The following TIPIN variants were observed in gnomAD, a reference collection of about 807,000 sequenced individuals.
The protein encoded by TIPIN is TIMELESS-interacting protein.
Under a neutral mutation model 35.6 loss-of-function variants are expected in TIPIN, and 29 were observed. The observed-to-expected ratio is 0.82, with a 90% confidence interval of 0.61 to 1.11. The LOEUF (loss-of-function observed/expected upper bound fraction) is 1.11, where lower values mean the gene tolerates loss of function less well. Ranked by LOEUF, TIPIN falls within the 50% of genes most tolerant of loss-of-function variation. The pLI, the probability that TIPIN is intolerant of heterozygous loss-of-function variation, is 0.00. For missense variants in TIPIN, 296 were observed against 345.4 expected, an observed-to-expected ratio of 0.86 and a Z score of 1.13; for synonymous variants, 102 against 121.5, an observed-to-expected ratio of 0.84 and a Z score of 1.06.
intron 6 of TIPIN, among the ~76,000 whole-genome samples, chr15:66,347,651 C>T (rs1219785240): frequency 1.3e-5 from 2 of 152,128 alleles, no homozygotes; most frequent in Admixed American, 6.6e-5. Context: ...GACGCAATCT[C>T]GGCTCACTGC....
intron 7 of TIPIN, 105 bp from the exon 8 acceptor site, chr15:66,337,286 G>GA: frequency 1.3e-6 from 1 of 759,962 alleles, no homozygotes; most frequent in Non-Finnish European, 2.0e-6. Flanking sequence ...TGAAGTCTAA[G>GA]ATCACTTAAT....
chr15:66,343,924 G>A (rs1237485568), intron 6 of TIPIN, among the ~76,000 whole-genome samples: 2 of 151,414 alleles, frequency 1.3e-5, no homozygotes, highest in African/African-American at 2.4e-5. Context: ...CTTGAACCCG[G>A]GAGGCAGAGG....
upstream of TIPIN, chr15:66,356,722 C>T: frequency 3.0e-6 from 3 of 985,438 alleles, no homozygotes; most frequent in Non-Finnish European, 3.6e-6. Flanking sequence ...ACTCCTGGGG[C>T]GAGAAGGGCC....
intron 6 of TIPIN, among the ~76,000 whole-genome samples, chr15:66,345,705 C>T (rs536885408): frequency 2.7e-5 from 4 of 150,294 alleles, no homozygotes; most frequent in Admixed American, 2.0e-4. Context: ...AGTGAGACTC[C>T]GTCTCAAAAA....
chr15:66,357,747 G>C (rs1281054825), upstream of TIPIN, among the ~76,000 whole-genome samples: 1 of 152,140 alleles, frequency 6.6e-6, no homozygotes, highest in Non-Finnish European at 1.5e-5. Flanking sequence ...CACGAGGTCA[G>C]GAATTCGAGA....
Position 66,350,374 on chromosome 15 carries a change from G to A in TIPIN, c.289-937C>T, listed in dbSNP as rs547789441. ...TAATCCCAGCACTGTGGGAGGCCGA[G>A]GCGGGTGGATGACCTGAGTCAGGAG... is the stretch of plus-strand genomic sequence containing the variant. On this transcript the variant is annotated intron_variant, in intron 4 of 7. Transcript: ENST00000261881. Among the ~76,000 whole-genome samples, 4 of 152,032 alleles carry A rather than the reference G, an allele frequency of 2.6e-5. No homozygotes were observed. The East Asian group carries it at 5.9e-4, about 22-fold the overall frequency.
intron 7 of TIPIN, among the ~76,000 whole-genome samples, chr15:66,340,470 C>T (rs2093078492): frequency 6.6e-6 from 1 of 151,900 alleles, no homozygotes; most frequent in Admixed American, 6.6e-5. Flanking sequence ...AGCCACTGCA[C>T]CTGGCCTATT....
chr15:66,367,833 G>GT (rs201442586), intron 1 of TIPIN, among the ~76,000 whole-genome samples: 1,511 of 122,896 alleles, frequency 0.012, 93 homozygotes, highest in South Asian at 0.018. Context: ...ATAAATCTTT[G>GT]TTTTTGTTTT....
intron 6 of TIPIN, among the ~76,000 whole-genome samples, chr15:66,342,445 C>A (rs1431285705): frequency 6.6e-6 from 1 of 152,092 alleles, no homozygotes; most frequent in Non-Finnish European, 1.5e-5. Context: ...CTCATTGCAA[C>A]CTCCGCCTCC....
intron 1 of TIPIN, among the ~76,000 whole-genome samples, chr15:66,370,924 A>G (rs1480585104): frequency 6.6e-6 from 1 of 152,148 alleles, no homozygotes; most frequent in Non-Finnish European, 1.5e-5. Flanking sequence ...AAGTGTATCA[A>G]GCAAGGCCAG....
chr15:66,379,671 T>C (rs2093310788), intron 1 of TIPIN: 1 of 1,611,376 alleles, frequency 6.2e-7, no homozygotes, highest in East Asian at 2.2e-5. Flanking sequence ...TGTAACACCC[T>C]TGATCATGTT....
At chr15:66,356,509 AC>A in intron 1 of TIPIN, 129 bp downstream of exon 1, 1 of 604,562 alleles carries the variant, frequency 1.7e-6, no homozygotes, top group Non-Finnish European at 2.1e-6. Flanking sequence ...CAACCTCCTG[AC>A]CCCCTTCCTG....
At chr15:66,351,479 T>C (rs1293855147) in intron 4 of TIPIN, 46 bp downstream of exon 4, 1 of 1,397,730 alleles carries the variant, frequency 7.2e-7, no homozygotes, top group Non-Finnish European at 1.0e-6. Context: ...CACATTTTTA[T>C]TGCTATTTTA....
At chr15:66,383,082 G>T (rs1595826077) in intron 1 of TIPIN, 1 of 651,702 alleles carries the variant, frequency 1.5e-6, no homozygotes, top group Admixed American at 6.3e-5. Context: ...AACCCAGCAT[G>T]CATAGAATCA....
chr15:66,346,095 T>C (rs1013038593), intron 6 of TIPIN, among the ~76,000 whole-genome samples: 1 of 151,972 alleles, frequency 6.6e-6, no homozygotes, highest in Non-Finnish European at 1.5e-5. Flanking sequence ...TACAGGCATG[T>C]GCCACTACGC....
intron 1 of TIPIN, among the ~76,000 whole-genome samples, chr15:66,385,464 A>C (rs2093333806): frequency 6.6e-6 from 1 of 151,994 alleles, no homozygotes; most frequent in South Asian, 2.1e-4. Context: ...TTCTTTAGTA[A>C]TTCACAGAAT....
chr15:66,344,244 G>A (rs913888792), intron 6 of TIPIN, among the ~76,000 whole-genome samples: 6 of 151,970 alleles, frequency 3.9e-5, no homozygotes, highest in African/African-American at 1.5e-4. Context: ...GACTATAGGT[G>A]TTGACCACTC....
At position 66,352,898 on chromosome 15, in the gene TIPIN, T is replaced by C. The variant is rs1413244752; in HGVS notation, c.50A>G (p.His17Arg). 6.2e-7 allele frequency: 1 copy of C among 1,614,178 alleles called. No homozygotes were observed. Among genetic ancestry groups the C allele is most frequent in the Non-Finnish European group, 8.5e-7 (1 of 1,180,028 alleles). Residue 17 changes from histidine (H) to arginine (R), a missense_variant, in exon 2 of 8, where the codon CAT (histidine) becomes CGT (arginine). By Grantham distance (29) the His-to-Arg change is conservative (BLOSUM62 0). Coordinates refer to ENST00000261881, the MANE Select transcript of TIPIN (RefSeq NM_017858.3). Reference protein sequence around the residue: ...NGVIDLPDYEHVEDETFPPFP... With the variant: ...NGVIDLPDYERVEDETFPPFP... ...AGGAGGAAAAGTTTCATCTTCTACA[T>C]GCTCATAATCTGGTAGGTCAATCAC...
intron 1 of TIPIN, among the ~76,000 whole-genome samples, chr15:66,375,631 G>C (rs887405411): frequency 6.7e-6 from 1 of 150,306 alleles, no homozygotes; most frequent in Admixed American, 6.7e-5. Flanking sequence ...TTGAGGTCAG[G>C]AGTTTGAGAC....
Sources: gnomAD v4.1 joint callset for allele counts (sites outside exome capture counted in the v4.1 genomes callset) on GRCh38, gnomAD v4.1.1 for gene constraint, MANE v1.5 for transcripts, NCBI Gene and HGNC (gene_info 2026-07-23, HGNC 2026-07-21) for gene names.